Variants in TMEM132C observed in about 807,000 individuals in gnomAD.
The protein encoded by TMEM132C is transmembrane protein 132C.
TMEM132C carries 29 observed loss-of-function variants against 61.4 expected under a neutral mutation model. That is an observed-to-expected ratio of 0.47 (90% CI 0.35 to 0.64). TMEM132C has a LOEUF of 0.64. Ranked by LOEUF, TMEM132C falls within the 30% of genes least tolerant of loss-of-function variation. The pLI is 0.00. For missense variants in TMEM132C, 1,408 were observed against 1,476.9 expected (o/e 0.95, Z 0.76); for synonymous variants, 656 against 633.1 (o/e 1.04, Z -0.54).
intron 2 of TMEM132C, among the ~76,000 whole-genome samples, chr12:128,523,764 C>T (rs1405797343): frequency 6.7e-6 from 1 of 149,554 alleles, no homozygotes; most frequent in Non-Finnish European, 1.5e-5. Flanking sequence ...CTTTGAGAGG[C>T]CGAGGGAGGA....
At chr12:128,609,296 G>GCCTCCCTGCAACACTGTAACCCCCC (rs1876546592) in intron 3 of TMEM132C, among the ~76,000 whole-genome samples, 1 of 117,436 alleles carries the variant, frequency 8.5e-6, no homozygotes, top group Non-Finnish European at 1.7e-5. Context: ...TGTAGCCCCC[G>GCCTCCCTGCAACACTGTAACCCCCC]CCTCCCTGCA....
At chr12:128,671,539 C>T (rs1030152474) in intron 5 of TMEM132C, among the ~76,000 whole-genome samples, 1 of 152,178 alleles carries the variant, frequency 6.6e-6, no homozygotes, top group African/African-American at 2.4e-5. Flanking sequence ...AGCAACCAGC[C>T]TTCTCTCTGG....
intron 1 of TMEM132C, among the ~76,000 whole-genome samples, chr12:128,297,091 C>T (rs775262685): frequency 7.2e-5 from 11 of 152,028 alleles, no homozygotes; most frequent in Non-Finnish European, 1.6e-4. Flanking sequence ...TAAGTTTTCC[C>T]CTTTTTAAAC....
chr12:128,324,615 C>T (rs915419257), intron 1 of TMEM132C, among the ~76,000 whole-genome samples: 4 of 152,116 alleles, frequency 2.6e-5, no homozygotes, highest in African/African-American at 9.7e-5. Context: ...ATCCCAGCAC[C>T]TTGGGAGGCC....
chr12:128,411,387 A>G (rs943321361), intron 1 of TMEM132C, among the ~76,000 whole-genome samples: 1 of 152,188 alleles, frequency 6.6e-6, no homozygotes, highest in Non-Finnish European at 1.5e-5. Context: ...ATAAGGAAAA[A>G]CTGTCGCTTC....
At chr12:128,491,573 C>T (rs1871724076) in intron 2 of TMEM132C, among the ~76,000 whole-genome samples, 1 of 152,184 alleles carries the variant, frequency 6.6e-6, no homozygotes, top group Non-Finnish European at 1.5e-5. Flanking sequence ...CTTTTTAAAA[C>T]CACTCAGGGC....
chr12:128,614,475 T>C (rs528007568), intron 3 of TMEM132C, among the ~76,000 whole-genome samples: 2 of 151,472 alleles, frequency 1.3e-5, no homozygotes, highest in South Asian at 4.2e-4. Context: ...AAAAAAAAAC[T>C]GTTGGAGACT....
At position 128,684,973 on chromosome 12, in the gene TMEM132C, G is replaced by A. The variant is rs145955728; in HGVS notation, c.1450-8856G>A. Among the ~76,000 whole-genome samples, 23 of 152,270 alleles carry A rather than the reference G, an allele frequency of 1.5e-4. No individual in the cohort carries two copies. The East Asian group carries it at 4.3e-3, about 28-fold the overall frequency. ...TGGGGTGAGAACAGGTACCGGCAAC[G>A]AGAGGAAAGGGATTCTAAACTAATG... On this transcript the variant is annotated intron_variant, in intron 5 of 8. Transcript: ENST00000435159.
intron 2 of TMEM132C, among the ~76,000 whole-genome samples, chr12:128,433,698 C>T (rs1193558422): frequency 6.6e-6 from 1 of 152,132 alleles, no homozygotes; most frequent in African/African-American, 2.4e-5. Flanking sequence ...GAGAAACCCC[C>T]TGGGAAATTT....
At chr12:128,391,987 T>C (rs552250859) in intron 1 of TMEM132C, among the ~76,000 whole-genome samples, 1 of 152,344 alleles carries the variant, frequency 6.6e-6, no homozygotes, top group African/African-American at 2.4e-5. Context: ...TATCCACTGA[T>C]ATCTATGACC....
rs947622849 is a variant in TMEM132C, at chr12:128,493,372, T to C, written c.975-50585T>C. 3.9e-5 allele frequency among the ~76,000 whole-genome samples: 6 copies of C among 152,334 alleles called. No homozygotes were observed. In the East Asian group the frequency reaches 1.2e-3, roughly 29 times the overall value. ...CCATATGAACTTTAAAGTACTTTTT[T>C]CCAATTCTGTGAAGAAAGTAATTGG... On this transcript the variant is annotated intron_variant, in intron 2 of 8. Coordinates refer to ENST00000435159, the MANE Select transcript of TMEM132C (RefSeq NM_001136103.3).
At chr12:128,346,118 A>G (rs1246841496) in intron 1 of TMEM132C, among the ~76,000 whole-genome samples, 1 of 152,184 alleles carries the variant, frequency 6.6e-6, no homozygotes, top group East Asian at 1.9e-4. Flanking sequence ...ACACCCCTGC[A>G]TATGGCTAGC....
chr12:128,488,638 G>A (rs758265403), intron 2 of TMEM132C, among the ~76,000 whole-genome samples: 2 of 151,810 alleles, frequency 1.3e-5, no homozygotes, highest in African/African-American at 2.4e-5. Context: ...TCTAGCATGG[G>A]TGATAGATCA....
intron 2 of TMEM132C, among the ~76,000 whole-genome samples, chr12:128,536,595 A>C (rs1873539340): frequency 6.6e-6 from 1 of 151,940 alleles, no homozygotes; most frequent in Admixed American, 6.6e-5. Context: ...TGGACTCCTA[A>C]GTTTGGCAGG....
chr12:128,311,851 A>G (rs1871979393), intron 1 of TMEM132C, among the ~76,000 whole-genome samples: 1 of 152,174 alleles, frequency 6.6e-6, no homozygotes, highest in South Asian at 2.1e-4. Context: ...GACCACCTCT[A>G]CGCAGTGTTT....
chr12:128,445,010 T>C (rs1869928927), intron 2 of TMEM132C, among the ~76,000 whole-genome samples: 1 of 152,212 alleles, frequency 6.6e-6, no homozygotes. Flanking sequence ...TTGGGGTTAA[T>C]TGAAGCCACT....
chr12:128,351,969 C>T (rs1353797737), intron 1 of TMEM132C, among the ~76,000 whole-genome samples: 1 of 152,144 alleles, frequency 6.6e-6, no homozygotes, highest in African/African-American at 2.4e-5. Flanking sequence ...CAAGGTGAGT[C>T]AGTGATCTGT....
At chr12:128,697,157 C>T in intron 7 of TMEM132C, 67 bp from the exon 8 acceptor site, 1 of 1,372,048 alleles carries the variant, frequency 7.3e-7, no homozygotes, top group Admixed American at 2.6e-5. Flanking sequence ...AGAAATATTA[C>T]TGGTAAAGGG....
At chr12:128,319,899 C>T (rs772345530) in intron 1 of TMEM132C, among the ~76,000 whole-genome samples, 7 of 151,776 alleles carry the variant, frequency 4.6e-5, no homozygotes, top group African/African-American at 1.7e-4. Flanking sequence ...TGAACAGACG[C>T]GGGATGATCT....
Sources: gnomAD v4.1 joint callset for allele counts (sites outside exome capture counted in the v4.1 genomes callset) on GRCh38, gnomAD v4.1.1 for gene constraint, MANE v1.5 for transcripts, NCBI Gene and HGNC (gene_info 2026-07-23, HGNC 2026-07-21) for gene names.